Variants in RXFP1 observed in about 807,000 individuals in gnomAD.
The protein encoded by RXFP1 is relaxin family peptide receptor 1.
Under a neutral mutation model 89.8 loss-of-function variants are expected in RXFP1, and 73 were observed. The ratio of observed to expected loss-of-function variants is 0.81; its 90% CI spans 0.67 to 0.99. The LOEUF (loss-of-function observed/expected upper bound fraction) is 0.99. RXFP1 is among the 50% of genes least tolerant of loss of function. The probability of loss-of-function intolerance (pLI) is 0.00; values close to 1 mark genes in which losing one functional copy is unlikely to be tolerated. For synonymous variants in RXFP1, 277 were observed against 305.5 expected (o/e 0.91, Z 0.97); for missense variants, 793 against 895.5 (o/e 0.89, Z 1.46).
intron 1 of RXFP1, among the ~76,000 whole-genome samples, chr4:158,524,269 T>C (rs1262894764): frequency 2.0e-5 from 3 of 152,184 alleles, no homozygotes; most frequent in African/African-American, 7.2e-5. Context: ...TAGACCATGA[T>C]AATTCTCAGT....
At chr4:158,610,902 C>A (rs1329755102) in intron 6 of RXFP1, among the ~76,000 whole-genome samples, 1 of 152,084 alleles carries the variant, frequency 6.6e-6, no homozygotes, top group Non-Finnish European at 1.5e-5. Context: ...AGATTCCTGG[C>A]AGGAGAAATT....
At chr4:158,548,995 C>A (rs1749316350) in intron 1 of RXFP1, among the ~76,000 whole-genome samples, 1 of 151,652 alleles carries the variant, frequency 6.6e-6, no homozygotes, top group Non-Finnish European at 1.5e-5. Flanking sequence ...TGAATGTTGG[C>A]CTGCCTTGCT....
intron 2 of RXFP1, among the ~76,000 whole-genome samples, chr4:158,592,964 C>G (rs1452698206): frequency 6.6e-6 from 1 of 150,722 alleles, no homozygotes; most frequent in Non-Finnish European, 1.5e-5. Flanking sequence ...GTCAAGTTCC[C>G]GTAGTCCCAG....
At chr4:158,647,276 G>A in intron 16 of RXFP1, 75 bp downstream of exon 16, 2 of 1,187,942 alleles carry the variant, frequency 1.7e-6, no homozygotes, top group Non-Finnish European at 2.3e-6. Context: ...GTAAGAATGA[G>A]GGTGAATTCT....
chr4:158,583,988 C>A (rs995732948), intron 2 of RXFP1, among the ~76,000 whole-genome samples: 1 of 152,216 alleles, frequency 6.6e-6, no homozygotes, highest in Non-Finnish European at 1.5e-5. Context: ...ATTGCTCTGC[C>A]TGGCCAGCCT....
chr4:158,540,757 T>C (rs1252425422), intron 1 of RXFP1, among the ~76,000 whole-genome samples: 1 of 152,024 alleles, frequency 6.6e-6, no homozygotes, highest in Admixed American at 6.6e-5. Context: ...TGACCCTCCC[T>C]GCCCCGCAGC....
In RXFP1 at chr4:158,648,729, T is replaced by C. The variant is rs998833527; in HGVS notation, c.1975+12T>C. 16 of 1,424,878 alleles carry C rather than the reference T, an allele frequency of 1.1e-5. No individual in the cohort carries two copies. The highest frequency in any genetic ancestry group is 1.6e-5 in the Non-Finnish European group (16 of 1,026,310). The allele number at this position is 1,424,878 out of a possible 1,614,324, so 88.3% of individuals were successfully genotyped here. On this transcript the variant is annotated intron_variant, in intron 17 of 17. Coordinates refer to ENST00000307765, the MANE Select transcript of RXFP1 (RefSeq NM_021634.4). ...GGTAGAAATACCAGGTACAATATTT[T>C]TTAATCTCCTTAAAGAAATAATAAA...
chr4:158,552,085 T>C (rs1221086681), intron 1 of RXFP1, among the ~76,000 whole-genome samples: 1 of 152,200 alleles, frequency 6.6e-6, no homozygotes, highest in Non-Finnish European at 1.5e-5. Flanking sequence ...TATCTAGATG[T>C]GAATACAGAT....
intron 1 of RXFP1, among the ~76,000 whole-genome samples, chr4:158,566,406 G>A (rs377629013): frequency 4.6e-4 from 70 of 151,710 alleles, no homozygotes; most frequent in Middle Eastern, 3.4e-3. Context: ...TCTTGTTGCC[G>A]AGGCTGGAGT....
chr4:158,545,364 G>A (rs1748029866), intron 1 of RXFP1, among the ~76,000 whole-genome samples: 3 of 152,172 alleles, frequency 2.0e-5, no homozygotes, highest in East Asian at 3.9e-4. Context: ...TTGTCAGATA[G>A]GTAGGTTGCT....
chr4:158,566,152 T>A (rs918718829), intron 1 of RXFP1, among the ~76,000 whole-genome samples: 1 of 152,158 alleles, frequency 6.6e-6, no homozygotes, highest in Admixed American at 6.5e-5. Flanking sequence ...GGTTCTGAGG[T>A]TTAAGTGGTA....
intron 1 of RXFP1, among the ~76,000 whole-genome samples, chr4:158,538,481 G>A (rs980534574): frequency 2.0e-5 from 3 of 152,214 alleles, no homozygotes; most frequent in Non-Finnish European, 4.4e-5. Context: ...AAAATGAATT[G>A]TGAGTCAGAG....
At chr4:158,544,104 T>A (rs1056653096) in intron 1 of RXFP1, 17 of 980,760 alleles carry the variant, frequency 1.7e-5, no homozygotes, top group Non-Finnish European at 2.1e-5. Context: ...ACCATCTTTT[T>A]ATTTTTTTAA....
At chr4:158,612,720 C>T (rs1763802016) in intron 8 of RXFP1, among the ~76,000 whole-genome samples, 1 of 151,836 alleles carries the variant, frequency 6.6e-6, no homozygotes, top group Admixed American at 6.6e-5. Flanking sequence ...AAGCCATTCT[C>T]CTGGCTCAGC....
intron 4 of RXFP1, among the ~76,000 whole-genome samples, chr4:158,600,702 C>G (rs1761517132): frequency 6.6e-6 from 1 of 152,018 alleles, no homozygotes; most frequent in East Asian, 1.9e-4. Context: ...ATGGCCCACA[C>G]CTGTAGTCTC....
chr4:158,529,244 T>TTTTTTTTTTGTTGTTG (rs756051922), intron 1 of RXFP1, among the ~76,000 whole-genome samples: 1 of 109,994 alleles, frequency 9.1e-6, no homozygotes, highest in Non-Finnish European at 1.9e-5. Context: ...TTGCTTGTTT[T>TTTTTTTTTTGTTGTTG]TTGTTGTTGT....
At chr4:158,612,551 C>A (rs990701706) in intron 8 of RXFP1, among the ~76,000 whole-genome samples, 189 bp downstream of exon 8, 2 of 151,714 alleles carry the variant, frequency 1.3e-5, no homozygotes, top group Admixed American at 6.6e-5. Flanking sequence ...GATTTTCTGT[C>A]TTCTAGAATA....
chr4:158,567,118 C>T (rs1235376646), intron 1 of RXFP1, among the ~76,000 whole-genome samples: 3 of 152,176 alleles, frequency 2.0e-5, no homozygotes, highest in Admixed American at 6.5e-5. Flanking sequence ...TCTCGTGGGG[C>T]CTTAGCTGCC....
chr4:158,532,734 G>T (rs1006110953), intron 1 of RXFP1, among the ~76,000 whole-genome samples: 2 of 152,142 alleles, frequency 1.3e-5, no homozygotes, highest in Non-Finnish European at 2.9e-5. Context: ...CTTCTCAGGA[G>T]AGCACAGGAA....
Sources: allele counts gnomAD v4.1 joint callset (sites outside exome capture counted in the v4.1 genomes callset), GRCh38; gene constraint gnomAD v4.1.1; transcripts MANE v1.5; gene names NCBI Gene and HGNC (gene_info 2026-07-23, HGNC 2026-07-21).